Variants in GALNT17 observed in about 807,000 individuals in gnomAD.
The protein encoded by GALNT17 is polypeptide N-acetylgalactosaminyltransferase 17, also known as UDP-GalNAc:polypeptide N-acetylgalactosaminyltransferase-like 3.
Under a neutral mutation model 63.7 loss-of-function variants are expected in GALNT17, and 29 were observed. The observed-to-expected ratio is 0.46, with a 90% confidence interval of 0.34 to 0.62. The LOEUF (loss-of-function observed/expected upper bound fraction) is 0.62, where lower values mean the gene tolerates loss of function less well. Among genes scored for constraint, GALNT17 ranks in the 20% least tolerant of loss-of-function variants. The pLI, the probability that GALNT17 is intolerant of heterozygous loss-of-function variation, is 0.01. For synonymous variants in GALNT17, 305 were observed against 318.3 expected, an observed-to-expected ratio of 0.96 and a Z score of 0.45; for missense variants, 603 against 799.6, an observed-to-expected ratio of 0.75 and a Z score of 2.97.
At chr7:71,414,178 T>A (rs537850675) in intron 3 of GALNT17, among the ~76,000 whole-genome samples, 13 of 152,050 alleles carry the variant, frequency 8.5e-5, no homozygotes, top group Admixed American at 3.9e-4. Flanking sequence ...GAGGTGGAGG[T>A]TGCAGTGAGC....
chr7:71,266,243 C>T (rs959979463), intron 1 of GALNT17, among the ~76,000 whole-genome samples: 7 of 152,150 alleles, frequency 4.6e-5, no homozygotes, highest in Admixed American at 1.3e-4. Context: ...TCACATCTGC[C>T]GATATGGTTT....
At chr7:71,568,228 G>A (rs1223346939) in intron 5 of GALNT17, among the ~76,000 whole-genome samples, 1 of 152,202 alleles carries the variant, frequency 6.6e-6, no homozygotes, top group Non-Finnish European at 1.5e-5. Flanking sequence ...TTTGAAGGCA[G>A]GCAGATGCTG....
chr7:71,165,339 TA>T, intron 1 of GALNT17, among the ~76,000 whole-genome samples: 1 of 152,338 alleles, frequency 6.6e-6, no homozygotes, highest in East Asian at 1.9e-4. Context: ...ACACTGCCGA[TA>T]AAGTCATACC....
At chr7:71,507,378 A>G (rs1788285716) in intron 5 of GALNT17, among the ~76,000 whole-genome samples, 1 of 152,228 alleles carries the variant, frequency 6.6e-6, no homozygotes, top group African/African-American at 2.4e-5. Context: ...ATTTTTTTAT[A>G]TACAATGAAA....
At chr7:71,574,142 G>A (rs1789497360) in intron 6 of GALNT17, among the ~76,000 whole-genome samples, 1 of 152,216 alleles carries the variant, frequency 6.6e-6, no homozygotes, top group Non-Finnish European at 1.5e-5. Context: ...TGTCTTTATG[G>A]TAGAATGATT....
chr7:71,334,265 G>A (rs191847605), intron 1 of GALNT17, among the ~76,000 whole-genome samples: 3 of 152,300 alleles, frequency 2.0e-5, no homozygotes, highest in East Asian at 3.9e-4. Context: ...ATGGGGAACC[G>A]TCTCACTACC....
intron 1 of GALNT17, among the ~76,000 whole-genome samples, chr7:71,303,330 T>G (rs79204922): frequency 0.01 from 1,533 of 152,288 alleles, 19 homozygotes; most frequent in African/African-American, 0.035. Context: ...ATTTATATTT[T>G]TTTTTGTAGA....
At chr7:71,348,131 G>T (rs2116162821) in intron 2 of GALNT17, among the ~76,000 whole-genome samples, 2 of 152,150 alleles carry the variant, frequency 1.3e-5, no homozygotes, top group Middle Eastern at 3.4e-3. Flanking sequence ...CGTGGTGGTG[G>T]GTGCCTGTAA....
rs1000566585 is a variant in GALNT17 at position 71,374,884 on chromosome 7, G to T, written c.423-13351G>T. On this transcript the variant is annotated intron_variant, in intron 2 of 10. Transcript: ENST00000333538. ...AGACGGAGTCTTGCTCTGTTGCCCA[G>T]GCTGGAGTGCAGTGGCGCAATCTTG... Among the ~76,000 whole-genome samples, 6 of 141,098 alleles carry T rather than the reference G, an allele frequency of 4.3e-5. No homozygotes were observed. In the East Asian group the frequency reaches 1.2e-3, roughly 28 times the overall value. 92.6% of individuals were successfully genotyped at this position (141,098 alleles called of 152,430 possible). A position where few individuals can be genotyped will look rare whatever the true frequency, so the allele number is the denominator to read the frequency against.
At chr7:71,346,026 T>TAAAAAAAA (rs35499113) in intron 2 of GALNT17, among the ~76,000 whole-genome samples, 1 of 127,226 alleles carries the variant, frequency 7.9e-6, no homozygotes, top group African/African-American at 2.9e-5. Context: ...TACTAAAAAT[T>TAAAAAAAA]AAAAAAAAAA....
intron 6 of GALNT17, among the ~76,000 whole-genome samples, chr7:71,602,091 C>T (rs1789974737): frequency 6.6e-6 from 1 of 152,198 alleles, no homozygotes; most frequent in Non-Finnish European, 1.5e-5. Flanking sequence ...TCCCGACTTC[C>T]CCCGGGGCCT....
At chr7:71,649,642 C>T (rs935368708) in intron 6 of GALNT17, among the ~76,000 whole-genome samples, 4 of 150,818 alleles carry the variant, frequency 2.7e-5, no homozygotes, top group Admixed American at 1.3e-4. Context: ...CACACACACA[C>T]ACATACACAC....
intron 2 of GALNT17, among the ~76,000 whole-genome samples, chr7:71,341,538 C>T (rs1188705378): frequency 7.2e-5 from 11 of 152,220 alleles, no homozygotes; most frequent in African/African-American, 2.4e-4. Flanking sequence ...AAGAAAAAGT[C>T]CTGAAAGCTT....
chr7:71,469,228 T>C (rs1787588735), intron 5 of GALNT17, among the ~76,000 whole-genome samples: 1 of 152,124 alleles, frequency 6.6e-6, no homozygotes, highest in Admixed American at 6.5e-5. Context: ...GGATAGGTAA[T>C]GGTGTAAAAG....
At chr7:71,607,691 C>T (rs1322878184) in intron 6 of GALNT17, among the ~76,000 whole-genome samples, 5 of 151,986 alleles carry the variant, frequency 3.3e-5, no homozygotes, top group Non-Finnish European at 5.9e-5. Flanking sequence ...GGTTGTAAGA[C>T]ATAAAGATAT....
chr7:71,419,306 C>T (rs921747681), intron 4 of GALNT17, among the ~76,000 whole-genome samples: 5 of 152,138 alleles, frequency 3.3e-5, no homozygotes, highest in Non-Finnish European at 7.4e-5. Flanking sequence ...GGCTGTATAA[C>T]CTGGGGCAAG....
At chr7:71,531,082 A>G (rs970520411) in intron 5 of GALNT17, among the ~76,000 whole-genome samples, 4 of 152,168 alleles carry the variant, frequency 2.6e-5, no homozygotes, top group African/African-American at 9.7e-5. Context: ...ATGTATTTTT[A>G]TTAAAATATT....
chr7:71,343,180 C>T (rs1381853970), intron 2 of GALNT17, among the ~76,000 whole-genome samples: 1 of 152,224 alleles, frequency 6.6e-6, no homozygotes, highest in Non-Finnish European at 1.5e-5. Context: ...AGCAACTTTG[C>T]TGATATCTGA....
intron 1 of GALNT17, among the ~76,000 whole-genome samples, chr7:71,186,837 TCC>T: frequency 6.6e-6 from 1 of 152,186 alleles, no homozygotes; most frequent in Admixed American, 6.5e-5. Context: ...ATGAATATTT[TCC>T]CTAAGGCGAG....
Sources: allele counts gnomAD v4.1 joint callset (sites outside exome capture counted in the v4.1 genomes callset), GRCh38; gene constraint gnomAD v4.1.1; transcripts MANE v1.5; gene names NCBI Gene and HGNC (gene_info 2026-07-23, HGNC 2026-07-21).